DOT1L: variants seen among roughly 807,000 people sequenced by gnomAD.
The protein encoded by DOT1L is DOT1 like histone lysine methyltransferase, also known as histone-lysine N-methyltransferase, H3 lysine-79 specific.
Under a neutral mutation model 153.3 loss-of-function variants are expected in DOT1L, and 33 were observed. The ratio of observed to expected loss-of-function variants is 0.22; its 90% confidence interval spans 0.16 to 0.29. The LOEUF (loss-of-function observed/expected upper bound fraction) is 0.29. DOT1L is among the 10% of genes least tolerant of loss of function. The pLI, the probability that DOT1L is intolerant of heterozygous loss-of-function variation, is 1.00. For synonymous variants in DOT1L, 1,135 were observed against 965.1 expected, an observed-to-expected ratio of 1.18 and a Z score of -3.26; for missense variants, 1,847 against 2,119.9, an observed-to-expected ratio of 0.87 and a Z score of 2.53.
intron 8 of DOT1L, among the ~76,000 whole-genome samples, chr19:2,200,614 C>T (rs1314050377): frequency 6.6e-6 from 1 of 152,114 alleles, no homozygotes; most frequent in Non-Finnish European, 1.5e-5. Context: ...GGGTCAGCAG[C>T]CGGCTGGGCC....
chr19:2,186,453 T>C (rs1376546219), intron 3 of DOT1L, among the ~76,000 whole-genome samples: 1 of 152,158 alleles, frequency 6.6e-6, no homozygotes, highest in Non-Finnish European at 1.5e-5. Flanking sequence ...GTTTTGTTTT[T>C]CTTTGACAAG....
chr19:2,189,522 C>G (rs550231983), intron 3 of DOT1L, among the ~76,000 whole-genome samples: 2 of 152,360 alleles, frequency 1.3e-5, no homozygotes, highest in African/African-American at 4.8e-5. Flanking sequence ...ACCGGACTCT[C>G]GGCCGGCCAC....
In DOT1L at chr19:2,216,362, C is replaced by G. The variant is rs765253103; in HGVS notation, c.2005C>G (p.Leu669Val). 9 of 1,611,382 alleles carry G rather than the reference C, an allele frequency of 5.6e-6. No homozygotes were observed. The change falls in exon 20 of 28, where the codon CTG becomes GTG. Residue 669 changes from leucine to valine, a missense_variant. Around this residue, in one of 8 missense-constraint regions of DOT1L, gnomAD observed 281 missense variants for 263.6 expected, o/e 1.07. Transcript: ENST00000398665. ...GTCCTGTGTGCCGCCTGACGACGCCCTGTCCCTGCACCTGCGTGGGAAGGG... is the reference window on the plus strand; with the variant it reads ...GTCCTGTGTGCCGCCTGACGACGCCGTGTCCCTGCACCTGCGTGGGAAGGG... ...LKSCVPPDDA[L>V]SLHLRGKGAL...
In DOT1L at chr19:2,191,420, G is replaced by T. The variant is rs540139902; in HGVS notation, c.493+180G>T. 4 of 663,052 alleles carry T rather than the reference G, an allele frequency of 6.0e-6. No homozygotes were observed. The highest frequency in any genetic ancestry group is 3.7e-5 in the South Asian group (2 of 54,252). 41.1% of individuals were successfully genotyped at this position (663,052 alleles called of 1,614,324 possible). ...CGTTCCTTTCCCCAGCCCTGACCGG[G>T]CTCCACCCAGAGGGGAGAAATCGCA... On this transcript the variant is annotated intron_variant, in intron 5 of 27. Coordinates refer to ENST00000398665, the MANE Select transcript of DOT1L (RefSeq NM_032482.3). This position sits in a 1 kb window ranked among gnomAD's most constrained non-coding sequence, Gnocchi z 6.8.
intron 8 of DOT1L, among the ~76,000 whole-genome samples, chr19:2,201,307 C>T (rs1255529065): frequency 6.6e-6 from 1 of 151,312 alleles, no homozygotes; most frequent in African/African-American, 2.4e-5. Context: ...CCCTGTATTC[C>T]TCATTCTCCC....
rs761242503 is a variant in DOT1L at position 2,194,592 on chromosome 19, T to C, written c.651+15T>C. The C allele has an allele frequency of 6.2e-7, 1 of 1,609,270 alleles. No individual in the cohort carries two copies. Among genetic ancestry groups the C allele is most frequent in the East Asian group, 2.2e-5 (1 of 44,838 alleles). Reference sequence around the variant, plus strand: ...CAGAATACACAGTGAGTGCCATCGCTCCGCCCCGGCTCCCATCGCCGGCCC... The same window carrying C: ...CAGAATACACAGTGAGTGCCATCGCCCCGCCCCGGCTCCCATCGCCGGCCC... On this transcript the variant is annotated intron_variant, in intron 7 of 27. Coordinates refer to ENST00000398665, the MANE Select transcript of DOT1L (RefSeq NM_032482.3).
chr19:2,165,493 G>C (rs1301069176), intron 1 of DOT1L, among the ~76,000 whole-genome samples: 1 of 152,224 alleles, frequency 6.6e-6, no homozygotes, highest in Non-Finnish European at 1.5e-5. Context: ...TGGTTGGGCA[G>C]CTCCGGGTGT....
rs186224316 is a variant in DOT1L, at chr19:2,207,920, C to A, written c.963+240C>A. The stretch of plus-strand genomic sequence containing the variant: ...CCTGGGTGAGGGCTGAGTGCTGTCT[C>A]CCCTAGTCTACGCTCAGCTCCTGGG... On this transcript the variant is annotated intron_variant, in intron 11 of 27. Coordinates refer to ENST00000398665, the MANE Select transcript of DOT1L (RefSeq NM_032482.3). This position sits in a 1 kb window ranked among gnomAD's most constrained non-coding sequence, Gnocchi z 4.5. Among the ~76,000 whole-genome samples the A allele has an allele frequency of 1.2e-3, 189 of 152,126 alleles. No homozygotes were observed. Among genetic ancestry groups the A allele is most frequent in the Non-Finnish European group, 2.3e-3 (157 of 67,956 alleles).
At chr19:2,209,255 C>T (rs962245309) in intron 12 of DOT1L, among the ~76,000 whole-genome samples, 2 of 152,214 alleles carry the variant, frequency 1.3e-5, no homozygotes, top group African/African-American at 4.8e-5. Context: ...CCCACCCTCC[C>T]TCTCCGTTTC....
intron 7 of DOT1L, among the ~76,000 whole-genome samples, chr19:2,195,441 A>C (rs2022975389): frequency 6.6e-6 from 1 of 152,090 alleles, no homozygotes; most frequent in African/African-American, 2.4e-5. Flanking sequence ...TCTGTCTCCC[A>C]GCGACGTCCC....
In DOT1L at chr19:2,193,825, C is replaced by G. The variant is rs1213447261; in HGVS notation, c.588+42C>G. Reference sequence around the variant, plus strand: ...GCCAGGGTGTGTTGGAGGCAGGGGACCATCAGAGAAAGTGACGCCCTGGGT... The same window carrying G: ...GCCAGGGTGTGTTGGAGGCAGGGGAGCATCAGAGAAAGTGACGCCCTGGGT... On this transcript the variant is annotated intron_variant, in intron 6 of 27. Coordinates refer to ENST00000398665, the MANE Select transcript of DOT1L (RefSeq NM_032482.3). The surrounding 1 kb of genome is among the most constrained non-coding windows in gnomAD (Gnocchi z 5.9). The G allele has an allele frequency of 6.3e-7, 1 of 1,594,750 alleles. No homozygotes were observed. Among genetic ancestry groups the G allele is most frequent in the Non-Finnish European group, 8.6e-7 (1 of 1,166,922 alleles).
At chr19:2,166,126 C>T (rs1225316012) in intron 1 of DOT1L, among the ~76,000 whole-genome samples, 2 of 149,762 alleles carry the variant, frequency 1.3e-5, no homozygotes, top group Non-Finnish European at 3.0e-5. Context: ...GTCGGAGTTT[C>T]GCTCTTGTTG....
chr19:2,179,285 G>C (rs371814715), intron 1 of DOT1L, among the ~76,000 whole-genome samples: 1 of 152,170 alleles, frequency 6.6e-6, no homozygotes. Flanking sequence ...CTTGTGTTTC[G>C]TCAGGTGGTG....
At chr19:2,229,711 G>T (rs1324472138) in intron 27 of DOT1L, 74 bp from the exon 28 acceptor site, 1 of 1,610,066 alleles carries the variant, frequency 6.2e-7, no homozygotes, top group Non-Finnish European at 8.5e-7. Flanking sequence ...TCGGTCCCCA[G>T]CCTGGGTGAG....
At chr19:2,200,397 C>T (rs988125755) in intron 8 of DOT1L, among the ~76,000 whole-genome samples, 6 of 152,220 alleles carry the variant, frequency 3.9e-5, no homozygotes, top group Admixed American at 2.0e-4. Flanking sequence ...TGCCCCTCCG[C>T]GCCACCTCGC....
intron 18 of DOT1L, 61 bp from the exon 19 acceptor site, chr19:2,214,410 G>C: frequency 6.3e-7 from 1 of 1,591,552 alleles, no homozygotes; most frequent in Admixed American, 1.7e-5. Flanking sequence ...TGCCCTGAGA[G>C]TGTGGGGTGT....
chr19:2,191,420 G>A lies in DOT1L; in HGVS notation c.493+180G>A. On this transcript the variant is annotated intron_variant, in intron 5 of 27. Transcript: ENST00000398665. The surrounding 1 kb of genome is among the most constrained non-coding windows in gnomAD (Gnocchi z 6.8). ...CGTTCCTTTCCCCAGCCCTGACCGG[G>A]CTCCACCCAGAGGGGAGAAATCGCA... 1 of 663,052 alleles carries A rather than the reference G, an allele frequency of 1.5e-6. No homozygotes were observed. The highest frequency in any genetic ancestry group is 2.6e-6 in the Non-Finnish European group (1 of 389,282). The allele number at this position is 663,052 out of a possible 1,614,324, so 41.1% of individuals were successfully genotyped here. A position where few individuals can be genotyped will look rare whatever the true frequency, so the allele number is the denominator to read the frequency against.
In DOT1L at chr19:2,204,058, G is replaced by A. The variant is rs777154032; in HGVS notation, c.787+1279G>A. Among the ~76,000 whole-genome samples, 1 of 152,180 alleles carries A rather than the reference G, an allele frequency of 6.6e-6. No homozygotes were observed. Among genetic ancestry groups the A allele is most frequent in the African/African-American group, 2.4e-5 (1 of 41,440 alleles). On this transcript the variant is annotated intron_variant, in intron 9 of 27. Coordinates refer to ENST00000398665, the MANE Select transcript of DOT1L (RefSeq NM_032482.3). The surrounding 1 kb of genome is among the most constrained non-coding windows in gnomAD (Gnocchi z 5.7). ...GTCTGCAGCTGCCTTCAGCACCAAC[G>A]CCCCACAACCTGGGGGTTTGGAGGG...
intron 7 of DOT1L, among the ~76,000 whole-genome samples, chr19:2,198,033 A>G (rs561873731): frequency 2.0e-5 from 3 of 152,214 alleles, no homozygotes; most frequent in African/African-American, 4.8e-5. Context: ...CCCGCTTCCT[A>G]TGGGGCCGGC....
Sources: allele counts gnomAD v4.1 joint callset (sites outside exome capture counted in the v4.1 genomes callset), GRCh38; gene constraint gnomAD v4.1.1; regional missense constraint gnomAD v4.1.1; non-coding constraint Gnocchi (gnomAD v3.1); transcripts MANE v1.5; gene names NCBI Gene and HGNC (gene_info 2026-07-23, HGNC 2026-07-21).